Variants in SPIDR observed in about 807,000 individuals in gnomAD.
SPIDR encodes the protein scaffold protein involved in DNA repair.
A neutral mutation model predicts 104.6 loss-of-function variants in SPIDR; 93 were observed. The observed-to-expected ratio is 0.89, with a 90% CI of 0.75 to 1.06. The LOEUF (loss-of-function observed/expected upper bound fraction) is 1.06. SPIDR is among the 50% of genes least tolerant of loss of function. The pLI, the probability that SPIDR is intolerant of heterozygous loss-of-function variation, is 0.00. For synonymous variants in SPIDR, 431 were observed against 416.9 expected, an observed-to-expected ratio of 1.03 and a Z score of -0.41; for missense variants, 1,154 against 1,111.2, an observed-to-expected ratio of 1.04 and a Z score of -0.55.
At chr8:47,680,674 C>T (rs906786000) in intron 11 of SPIDR, among the ~76,000 whole-genome samples, 2 of 152,208 alleles carry the variant, frequency 1.3e-5, no homozygotes, top group African/African-American at 4.8e-5. Flanking sequence ...GTTTGAGGTC[C>T]AGAATCTCTT....
At chr8:47,467,207 T>C (rs2075010093) in intron 8 of SPIDR, among the ~76,000 whole-genome samples, 1 of 151,884 alleles carries the variant, frequency 6.6e-6, no homozygotes, top group African/African-American at 2.4e-5. Context: ...AGCTCCAAAA[T>C]CGAGTCAGTA....
intron 7 of SPIDR, among the ~76,000 whole-genome samples, chr8:47,417,000 C>T (rs1455420974): frequency 6.6e-6 from 1 of 152,158 alleles, no homozygotes; most frequent in Non-Finnish European, 1.5e-5. Flanking sequence ...TGTATATGTG[C>T]CACATTTTCT....
chr8:47,270,021 A>T (rs1053365813), intron 1 of SPIDR, among the ~76,000 whole-genome samples: 5 of 152,192 alleles, frequency 3.3e-5, no homozygotes, highest in Non-Finnish European at 7.3e-5. Context: ...GTTATGGTGT[A>T]TAACTCTTTG....
intron 8 of SPIDR, among the ~76,000 whole-genome samples, chr8:47,454,884 A>G (rs926096110): frequency 1.3e-5 from 2 of 152,018 alleles, no homozygotes; most frequent in Non-Finnish European, 2.9e-5. Flanking sequence ...CTGTCTCAAA[A>G]AAAAATAATA....
intron 16 of SPIDR, 88 bp from the exon 17 acceptor site, chr8:47,727,112 C>G: frequency 9.0e-7 from 1 of 1,113,570 alleles, no homozygotes; most frequent in Non-Finnish European, 1.3e-6. Flanking sequence ...CACGAGGCCC[C>G]TCATGTTGTC....
chr8:47,578,655 C>G (rs1468588265), intron 8 of SPIDR, among the ~76,000 whole-genome samples: 3 of 152,138 alleles, frequency 2.0e-5, no homozygotes, highest in Non-Finnish European at 4.4e-5. Flanking sequence ...ACCCTGTAGA[C>G]AGATCCTACT....
chr8:47,533,754 A>G (rs760216286), intron 8 of SPIDR, among the ~76,000 whole-genome samples: 11 of 152,220 alleles, frequency 7.2e-5, no homozygotes, highest in Non-Finnish European at 1.6e-4. Flanking sequence ...TATTATTAAA[A>G]CGTCAAAAAA....
chr8:47,497,704 T>C (rs1341862527), intron 8 of SPIDR, among the ~76,000 whole-genome samples: 2 of 152,200 alleles, frequency 1.3e-5, no homozygotes, highest in Non-Finnish European at 2.9e-5. Flanking sequence ...TGCTTGATTT[T>C]TTTTGGTAAG....
chr8:47,533,322 C>G (rs2154385275), intron 8 of SPIDR, among the ~76,000 whole-genome samples: 2 of 151,796 alleles, frequency 1.3e-5, no homozygotes, highest in East Asian at 3.9e-4. Flanking sequence ...CTATAAAAAC[C>G]CTGGAAGACA....
chr8:47,567,713 A>G (rs1224042457), intron 8 of SPIDR, among the ~76,000 whole-genome samples: 1 of 148,058 alleles, frequency 6.8e-6, no homozygotes, highest in Non-Finnish European at 1.5e-5. Flanking sequence ...AACAGACCGT[A>G]TGTGTGACCT....
intron 8 of SPIDR, chr8:47,511,146 A>C (rs2082256367): frequency 6.5e-7 from 1 of 1,550,250 alleles, no homozygotes; most frequent in East Asian, 2.2e-5. Context: ...AGCTGGTGGC[A>C]GCCATGGCTG....
At chr8:47,462,244 G>T (rs1241970709) in intron 8 of SPIDR, among the ~76,000 whole-genome samples, 2 of 152,162 alleles carry the variant, frequency 1.3e-5, no homozygotes, top group African/African-American at 2.4e-5. Flanking sequence ...AGGGTTGTCT[G>T]CACAGAGTCC....
intron 5 of SPIDR, among the ~76,000 whole-genome samples, chr8:47,300,337 T>C (rs1434736004): frequency 6.6e-6 from 1 of 152,218 alleles, no homozygotes; most frequent in Non-Finnish European, 1.5e-5. Context: ...CTGATTCTTC[T>C]CTCTTTTCTT....
At chr8:47,503,131 G>GT (rs1564162296) in intron 8 of SPIDR, among the ~76,000 whole-genome samples, 1 of 152,176 alleles carries the variant, frequency 6.6e-6, no homozygotes, top group African/African-American at 2.4e-5. Context: ...TGGGTGGAGA[G>GT]TTCTGTAGAT....
At chr8:47,421,264 G>A (rs1484497496) in intron 7 of SPIDR, among the ~76,000 whole-genome samples, 3 of 151,982 alleles carry the variant, frequency 2.0e-5, no homozygotes, top group Admixed American at 2.0e-4. Context: ...ACGTAGATTT[G>A]GTCTTTTCAC....
intron 6 of SPIDR, among the ~76,000 whole-genome samples, chr8:47,397,075 G>T (rs1248938702): frequency 1.3e-5 from 2 of 152,156 alleles, no homozygotes; most frequent in Non-Finnish European, 2.9e-5. Context: ...CAGGGGCTGG[G>T]CTGTGGCCAT....
rs1477323528 is a variant in SPIDR, at chr8:47,338,874, T to TG, written c.525+44851dup. 1.7e-4 allele frequency among the ~76,000 whole-genome samples: 26 copies of TG among 152,174 alleles called. No individual in the cohort carries two copies. The East Asian group carries it at 2.5e-3, about 15-fold the overall frequency. On this transcript the variant is annotated intron_variant, in intron 5 of 19. Coordinates refer to ENST00000297423, the MANE Select transcript of SPIDR (RefSeq NM_001080394.4). ...TTAGTAGATACCATCCCAGCTGTTGTGGGGGGGTCAGCCTTGACGTCTTTC... is the reference window on the plus strand; with the variant it reads ...TTAGTAGATACCATCCCAGCTGTTGTGGGGGGGGTCAGCCTTGACGTCTTTC...
intron 1 of SPIDR, among the ~76,000 whole-genome samples, chr8:47,264,527 CT>C (rs1210094122): frequency 2.0e-5 from 3 of 152,100 alleles, no homozygotes; most frequent in Non-Finnish European, 2.9e-5. Context: ...CCTTAACATG[CT>C]GTGATTCTTC....
chr8:47,300,592 C>T (rs1554576569), intron 5 of SPIDR, among the ~76,000 whole-genome samples: 3 of 152,088 alleles, frequency 2.0e-5, no homozygotes, highest in Non-Finnish European at 4.4e-5. Flanking sequence ...TTTAGTGCTA[C>T]AAATTTCCCT....
Sources: gnomAD v4.1 joint callset for allele counts (sites outside exome capture counted in the v4.1 genomes callset) on GRCh38, gnomAD v4.1.1 for gene constraint, MANE v1.5 for transcripts, NCBI Gene and HGNC (gene_info 2026-07-23, HGNC 2026-07-21) for gene names.